MSH3: variants seen among roughly 807,000 people sequenced by gnomAD.
The protein encoded by MSH3 is mutS homolog 3.
A neutral mutation model predicts 123.3 loss-of-function variants in MSH3; 106 were observed. The observed-to-expected ratio is 0.86, with a 90% CI of 0.73 to 1.01. The LOEUF (loss-of-function observed/expected upper bound fraction) is 1.01, where lower values mean the gene tolerates loss of function less well. Ranked by LOEUF, MSH3 falls within the 50% of genes least tolerant of loss-of-function variation. The pLI is 0.00. For missense variants in MSH3, 1,459 were observed against 1,347.6 expected, an observed-to-expected ratio of 1.08 and a Z score of -1.29; for synonymous variants, 515 against 481.4, an observed-to-expected ratio of 1.07 and a Z score of -0.91.
In MSH3 at chr5:80,837,555, G is replaced by A. The variant is rs137935839; in HGVS notation, c.2814-16575G>A. Among the ~76,000 whole-genome samples, 901 of 150,764 alleles carry A rather than the reference G, an allele frequency of 6.0e-3. 7 individuals are homozygous for A. Among genetic ancestry groups the A allele is most frequent in the South Asian group, 0.05 (231 of 4,664 alleles). On this transcript the variant is annotated intron_variant, in intron 20 of 23. Transcript: ENST00000265081. The stretch of plus-strand genomic sequence containing the variant: ...ATCGTACCATTGTACTCCAGCCTGC[G>A]TAACAGAGCCAGACCTTGTCTAAAA...
At position 80,728,840 on chromosome 5, in the gene MSH3, C is replaced by T. The variant is rs897423429; in HGVS notation, c.1454-11C>T. The T allele has an allele frequency of 5.0e-6, 7 of 1,392,430 alleles. No individual in the cohort carries two copies. In the Admixed American group the frequency reaches 8.4e-5, roughly 17 times the overall value. 86.3% of individuals were successfully genotyped at this position (1,392,430 alleles called of 1,614,324 possible). A position where few individuals can be genotyped will look rare whatever the true frequency, so the allele number is the denominator to read the frequency against. ...AATTTTTATAACAAGTTAATATATT[C>T]TGTTTTCTAGGTTCTCAAATTATTT... On this transcript the variant is annotated splice_polypyrimidine_tract_variant and intron_variant, in intron 9 of 23. Transcript: ENST00000265081.
At chr5:80,728,826 C>T (rs765451824) in intron 9 of MSH3, 25 bp from the exon 10 acceptor site, 1 of 1,190,298 alleles carries the variant, frequency 8.4e-7, no homozygotes, top group East Asian at 2.3e-5. Flanking sequence ...ATTTTTATAA[C>T]AAGTTAATAT....
In MSH3 at chr5:80,854,293, A is replaced by G. The variant is rs755228303; in HGVS notation, c.2977A>G (p.Thr993Ala). Residue 993 changes from threonine (T) to alanine (A), a missense_variant, in exon 21 of 24, where the codon ACA (threonine) becomes GCA (alanine). By Grantham distance (58) the Thr-to-Ala change is moderately conservative. Coordinates refer to ENST00000265081, the MANE Select transcript of MSH3 (RefSeq NM_002439.5). ...THDGIAIAYATLEYFIRDVKS... is the reference protein window; with the variant it reads ...THDGIAIAYAALEYFIRDVKS... Reference sequence around the variant, plus strand: ...TGATGGAATTGCCATTGCCTATGCTACACTTGAGTATTTCATCAGAGATGT... The same window carrying G: ...TGATGGAATTGCCATTGCCTATGCTGCACTTGAGTATTTCATCAGAGATGT... 2 of 1,613,876 alleles carry G rather than the reference A, an allele frequency of 1.2e-6. No individual in the cohort carries two copies. Among genetic ancestry groups the G allele is most frequent in the Non-Finnish European group, 1.7e-6 (2 of 1,179,818 alleles).
Position 80,875,907 on chromosome 5 carries a change from C to G in MSH3, c.*45C>G. 1 of 1,183,126 alleles carries G rather than the reference C, an allele frequency of 8.5e-7. No individual in the cohort carries two copies. Among genetic ancestry groups the G allele is most frequent in the Non-Finnish European group, 1.3e-6 (1 of 795,182 alleles). The allele number at this position is 1,183,126 out of a possible 1,614,324, so 73.3% of individuals were successfully genotyped here. A position where few individuals can be genotyped will look rare whatever the true frequency, so the allele number is the denominator to read the frequency against. On this transcript the variant is annotated 3_prime_UTR_variant, in exon 24 of 24. Coordinates refer to ENST00000265081, the MANE Select transcript of MSH3 (RefSeq NM_002439.5). ...AACAAAAAATGGAGAATTAAAAATA[C>G]CAACTGTACAAAATAACTCTCCAGT...
intron 8 of MSH3, among the ~76,000 whole-genome samples, chr5:80,711,494 G>A (rs1348855726): frequency 6.6e-6 from 1 of 152,122 alleles, no homozygotes; most frequent in Admixed American, 6.5e-5. Flanking sequence ...GGACTCACCA[G>A]CTGACTGTCA....
intron 12 of MSH3, among the ~76,000 whole-genome samples, chr5:80,745,529 T>A (rs1008710463): frequency 6.6e-6 from 1 of 152,218 alleles, no homozygotes; most frequent in Non-Finnish European, 1.5e-5. Context: ...GAGATAAATA[T>A]AAGATTTAAA....
intron 10 of MSH3, among the ~76,000 whole-genome samples, chr5:80,736,118 C>T (rs780089996): frequency 3.9e-5 from 6 of 152,000 alleles, no homozygotes; most frequent in Non-Finnish European, 8.8e-5. Flanking sequence ...CCCAGCTACT[C>T]AGGAGGCTGA....
intron 8 of MSH3, among the ~76,000 whole-genome samples, chr5:80,681,144 A>G (rs1749961770): frequency 6.6e-6 from 1 of 152,188 alleles, no homozygotes; most frequent in African/African-American, 2.4e-5. Flanking sequence ...AATCTTTGCC[A>G]GTCACATAGA....
intron 8 of MSH3, among the ~76,000 whole-genome samples, chr5:80,708,867 T>A (rs1487722170): frequency 6.6e-6 from 1 of 152,080 alleles, no homozygotes; most frequent in Non-Finnish European, 1.5e-5. Context: ...CTCCGCCTCC[T>A]GGGTTCTAGC....
intron 20 of MSH3, among the ~76,000 whole-genome samples, chr5:80,832,172 CTAT>C (rs1382922146): frequency 1.3e-5 from 2 of 152,004 alleles, no homozygotes; most frequent in African/African-American, 4.8e-5. Context: ...GAGGATAAAT[CTAT>C]ATTCCACTTA....
rs1442281976 is a variant in MSH3 at position 80,654,738 on chromosome 5, G to A, written c.11G>A (p.Arg4Gln). The part of the protein sequence containing the change: MSR[R>Q]KPASGGLAAS... ...CATCCTTGCCCTGCCATGTCTCGCC[G>A]GAAGCCTGCGTCGGGCGGCCTCGCT... Residue 4 changes from arginine to glutamine, a missense_variant, in exon 1 of 24, where the codon CGG becomes CAG. Physicochemically the swap from Arg to Gln is conservative, Grantham distance 43. Coordinates refer to ENST00000265081, the MANE Select transcript of MSH3 (RefSeq NM_002439.5). 2 of 1,600,640 alleles carry A rather than the reference G, an allele frequency of 1.2e-6. No individual in the cohort carries two copies. The highest frequency in any genetic ancestry group is 2.7e-5 in the African/African-American group (2 of 72,918).
chr5:80,745,823 G>A lies in MSH3; in HGVS notation c.1763+1208G>A, dbSNP rs555758491. 6.5e-4 allele frequency among the ~76,000 whole-genome samples: 99 copies of A among 152,360 alleles called. 1 individual carries two copies. The highest frequency in any genetic ancestry group is 2.3e-3 in the African/African-American group (96 of 41,586). On this transcript the variant is annotated intron_variant, in intron 12 of 23. Coordinates refer to ENST00000265081, the MANE Select transcript of MSH3 (RefSeq NM_002439.5). ...AGCATTGTCTCTTTTAAACTGCACA[G>A]CAGCCTCACTAAGCAGATGCTGTTA... is the stretch of plus-strand genomic sequence containing the variant.
chr5:80,770,358 C>G (rs760416498), intron 15 of MSH3, among the ~76,000 whole-genome samples: 1 of 151,382 alleles, frequency 6.6e-6, no homozygotes, highest in Non-Finnish European at 1.5e-5. Flanking sequence ...AGAGTTACCT[C>G]TGTTGTAAGA....
chr5:80,719,469 A>AT (rs1415935079), intron 8 of MSH3, among the ~76,000 whole-genome samples: 1 of 152,196 alleles, frequency 6.6e-6, no homozygotes, highest in African/African-American at 2.4e-5. Flanking sequence ...AAGAGTTTTT[A>AT]TTTAACTTTT....
intron 20 of MSH3, among the ~76,000 whole-genome samples, chr5:80,816,601 G>GA (rs1479563447): frequency 3.9e-5 from 6 of 152,098 alleles, no homozygotes; most frequent in East Asian, 3.9e-4. Flanking sequence ...AATGTCTGGA[G>GA]AAAAAACCAA....
At chr5:80,833,512 G>A (rs1166315334) in intron 20 of MSH3, among the ~76,000 whole-genome samples, 4 of 152,170 alleles carry the variant, frequency 2.6e-5, no homozygotes, top group East Asian at 1.9e-4. Context: ...GCACCATCTC[G>A]GCTCACTGCA....
chr5:80,686,148 A>G (rs1580560924), intron 8 of MSH3, among the ~76,000 whole-genome samples: 1 of 152,206 alleles, frequency 6.6e-6, no homozygotes, highest in African/African-American at 2.4e-5. Flanking sequence ...AAGAAAGTGT[A>G]TTCTGCAACC....
chr5:80,668,383 C>G (rs1042680384), intron 3 of MSH3, among the ~76,000 whole-genome samples: 1 of 152,174 alleles, frequency 6.6e-6, no homozygotes, highest in Non-Finnish European at 1.5e-5. Flanking sequence ...AGGAGCCTGT[C>G]TGCCTCCTGC....
At position 80,812,584 on chromosome 5, in the gene MSH3, C is replaced by CTTTT. The variant is rs11415035; in HGVS notation, c.2656-986_2656-983dup. Among the ~76,000 whole-genome samples, 27 of 123,682 alleles carry CTTTT rather than the reference C, an allele frequency of 2.2e-4. 2 individuals are homozygous for CTTTT. Among genetic ancestry groups the CTTTT allele is most frequent in the African/African-American group, 5.2e-4 (17 of 32,396 alleles). 81.1% of individuals were successfully genotyped at this position (123,682 alleles called of 152,430 possible). On this transcript the variant is annotated intron_variant, in intron 19 of 23. Coordinates refer to ENST00000265081, the MANE Select transcript of MSH3 (RefSeq NM_002439.5). ...AGCTAGGCCCATTGGCTGGTTCTGG[C>CTTTT]TTTTTTTTTTTTTTTTTGAGATGGA...
Sources: gnomAD v4.1 joint callset for allele counts (sites outside exome capture counted in the v4.1 genomes callset) on GRCh38, gnomAD v4.1.1 for gene constraint, MANE v1.5 for transcripts, NCBI Gene and HGNC (gene_info 2026-07-23, HGNC 2026-07-21) for gene names.